ADGRA3: variants seen among roughly 807,000 people sequenced by gnomAD.
ADGRA3 encodes the protein G-protein coupled receptor 125.
Under a neutral mutation model 119.8 loss-of-function variants are expected in ADGRA3, and 56 were observed. The ratio of observed to expected loss-of-function variants is 0.47; its 90% CI spans 0.38 to 0.58. The LOEUF (loss-of-function observed/expected upper bound fraction) is 0.58, where lower values mean the gene tolerates loss of function less well. ADGRA3 is among the 20% of genes least tolerant of loss of function. The probability of loss-of-function intolerance (pLI) is 0.00; values close to 1 mark genes in which losing one functional copy is unlikely to be tolerated. For synonymous variants in ADGRA3, 607 were observed against 623.8 expected (o/e 0.97, Z 0.40); for missense variants, 1,516 against 1,649.0 (o/e 0.92, Z 1.40).
intron 6 of ADGRA3, chr4:22,443,283 A>G (rs994075328): frequency 3.2e-5 from 15 of 475,802 alleles, no homozygotes; most frequent in African/African-American, 2.0e-5. Context: ...TGTTCACTCC[A>G]GAAAAATCAG....
intron 16 of ADGRA3, chr4:22,394,933 T>C (rs1193715763): frequency 6.6e-6 from 1 of 152,212 alleles, no homozygotes; most frequent in Non-Finnish European, 1.5e-5. Flanking sequence ...AAATGAGTGA[T>C]TAAAATCTAG....
chr4:22,514,733 G>C (rs1719576865), intron 1 of ADGRA3, among the ~76,000 whole-genome samples: 1 of 152,280 alleles, frequency 6.6e-6, no homozygotes, highest in Non-Finnish European at 1.5e-5. Context: ...GGGGCCAACT[G>C]TTCAGCTAGA....
chr4:22,402,585 T>C (rs1714712040), intron 15 of ADGRA3, 90 bp downstream of exon 15: 8 of 1,371,090 alleles, frequency 5.8e-6, no homozygotes, highest in Non-Finnish European at 8.0e-6. Flanking sequence ...TACAGGATGA[T>C]AACAAACTCA....
chr4:22,411,796 A>G (rs1715212228), intron 14 of ADGRA3, among the ~76,000 whole-genome samples: 2 of 152,168 alleles, frequency 1.3e-5, no homozygotes. Flanking sequence ...AGCCGAGTCT[A>G]TAAACATACA....
chr4:22,490,502 T>C (rs1027870630), intron 1 of ADGRA3, among the ~76,000 whole-genome samples: 1 of 152,192 alleles, frequency 6.6e-6, no homozygotes, highest in Non-Finnish European at 1.5e-5. Flanking sequence ...GTCGGACCTA[T>C]TACTCATTAT....
At chr4:22,407,115 C>CA (rs1714970636) in intron 14 of ADGRA3, among the ~76,000 whole-genome samples, 2 of 151,888 alleles carry the variant, frequency 1.3e-5, no homozygotes. Context: ...ACTAAAAATA[C>CA]AAAAAATTAG....
intron 1 of ADGRA3, among the ~76,000 whole-genome samples, chr4:22,483,227 A>T (rs975335854): frequency 1.3e-5 from 2 of 151,766 alleles, no homozygotes; most frequent in Non-Finnish European, 2.9e-5. Context: ...AACATCTTTA[A>T]CTCCTAGCTC....
At chr4:22,390,281 T>C (rs1028665265) in intron 17 of ADGRA3, among the ~76,000 whole-genome samples, 3 of 147,532 alleles carry the variant, frequency 2.0e-5, no homozygotes, top group Non-Finnish European at 4.5e-5. Context: ...ATCTTTAAAA[T>C]CTTCTCTATT....
At chr4:22,391,899 C>A (rs1481524232) in intron 17 of ADGRA3, among the ~76,000 whole-genome samples, 1 of 152,024 alleles carries the variant, frequency 6.6e-6, no homozygotes, top group Non-Finnish European at 1.5e-5. Context: ...TTAATGGCTT[C>A]TTTCTTTACA....
chr4:22,464,872 C>G (rs17533181), intron 2 of ADGRA3, among the ~76,000 whole-genome samples: 1 of 152,300 alleles, frequency 6.6e-6, no homozygotes, highest in East Asian at 1.9e-4. Context: ...GCTGCCCTTG[C>G]GTCTCATGGT....
At chr4:22,508,168 T>C (rs1719312672) in intron 1 of ADGRA3, among the ~76,000 whole-genome samples, 1 of 152,132 alleles carries the variant, frequency 6.6e-6, no homozygotes, top group Admixed American at 6.5e-5. Flanking sequence ...TCATAGAAAG[T>C]GACACAAGAG....
chr4:22,456,914 C>T (rs190676656), intron 3 of ADGRA3, among the ~76,000 whole-genome samples: 163 of 152,286 alleles, frequency 1.1e-3, no homozygotes, highest in African/African-American at 3.7e-3. Context: ...TATTTAATCA[C>T]GTGGGACTTT....
chr4:22,412,027 T>C (rs1017011946), intron 14 of ADGRA3, among the ~76,000 whole-genome samples: 10 of 152,212 alleles, frequency 6.6e-5, no homozygotes, highest in Middle Eastern at 3.4e-3. Context: ...TCATTTCTAG[T>C]GCTAAATGCT....
At chr4:22,466,868 C>T (rs1717677665) in intron 2 of ADGRA3, among the ~76,000 whole-genome samples, 1 of 152,172 alleles carries the variant, frequency 6.6e-6, no homozygotes, top group Admixed American at 6.5e-5. Flanking sequence ...GAGGGGGTGA[C>T]ACACAATATA....
Position 22,389,139 on chromosome 4 carries a change from A to G in ADGRA3, c.2672T>C (p.Ile891Thr). Residue 891 changes from isoleucine (I) to threonine (T), a missense_variant, in exon 18 of 19, where the codon ATA becomes ACA. Ile to Thr is a moderately conservative substitution (Grantham distance 89, BLOSUM62 -1). Transcript: ENST00000334304. ...GGGIPIIVCG[I>T]TAAANIKNYG... Reference sequence around the variant, plus strand: ...ATTCTTAATGTTCGCTGCTGCAGTTATGCCGCAAACAATGATGGGGATACC... The same window carrying G: ...ATTCTTAATGTTCGCTGCTGCAGTTGTGCCGCAAACAATGATGGGGATACC... 6.2e-7 allele frequency: 1 copy of G among 1,614,050 alleles called. No homozygotes were observed. The highest frequency in any genetic ancestry group is 8.5e-7 in the Non-Finnish European group (1 of 1,179,908).
At chr4:22,405,508 T>C (rs1282039312) in intron 14 of ADGRA3, among the ~76,000 whole-genome samples, 1 of 149,362 alleles carries the variant, frequency 6.7e-6, no homozygotes, top group Non-Finnish European at 1.5e-5. Flanking sequence ...ATTGCGCCAC[T>C]GCACTCCAGC....
intron 10 of ADGRA3, among the ~76,000 whole-genome samples, chr4:22,427,944 A>T (rs967319397): frequency 6.6e-6 from 1 of 152,210 alleles, no homozygotes; most frequent in African/African-American, 2.4e-5. Context: ...CGAAGATAAA[A>T]TGGGGAAGAA....
At chr4:22,470,937 G>C (rs762522328) in intron 2 of ADGRA3, among the ~76,000 whole-genome samples, 1 of 152,192 alleles carries the variant, frequency 6.6e-6, no homozygotes, top group Non-Finnish European at 1.5e-5. Flanking sequence ...GAGGCAGGCA[G>C]GGTAGTTATC....
chr4:22,433,193 C>T (rs2109056430), intron 10 of ADGRA3, among the ~76,000 whole-genome samples: 1 of 152,294 alleles, frequency 6.6e-6, no homozygotes, highest in South Asian at 2.1e-4. Flanking sequence ...CCATCACTTG[C>T]TTCCGAAGAT....
Sources: gnomAD v4.1 joint callset for allele counts (sites outside exome capture counted in the v4.1 genomes callset) on GRCh38, gnomAD v4.1.1 for gene constraint, MANE v1.5 for transcripts, NCBI Gene and HGNC (gene_info 2026-07-23, HGNC 2026-07-21) for gene names.